FMN2: variants seen among roughly 807,000 people sequenced by gnomAD.
FMN2 encodes formin 2, also known as formin-2.
In FMN2, 51 loss-of-function variants were observed where a neutral mutation model predicts 142.3. The observed-to-expected ratio is 0.36, with a 90% CI of 0.29 to 0.45. FMN2 has a LOEUF of 0.45. Among genes scored for constraint, FMN2 ranks in the 20% least tolerant of loss-of-function variants. The probability of loss-of-function intolerance (pLI) is 1.00; values close to 1 mark genes in which losing one functional copy is unlikely to be tolerated. For synonymous variants in FMN2, 882 were observed against 869.8 expected, an observed-to-expected ratio of 1.01 and a Z score of -0.25; for missense variants, 1,936 against 2,122.8, an observed-to-expected ratio of 0.91 and a Z score of 1.73.
At position 240,242,084 on chromosome 1, in the gene FMN2, A is replaced by T. The variant is rs543842840; in HGVS notation, c.4066-15861A>T. Among the ~76,000 whole-genome samples, 6 of 152,138 alleles carry T rather than the reference A, an allele frequency of 3.9e-5. No individual in the cohort carries two copies. The South Asian group carries it at 1.2e-3, about 32-fold the overall frequency. On this transcript the variant is annotated intron_variant, in intron 6 of 17. Transcript: ENST00000319653. ...ATGGTCTCGATCTCCTGACCTCGTGATCCGCCTGCCTCGGCCTCCCAAAGT... is the reference window on the plus strand; with the variant it reads ...ATGGTCTCGATCTCCTGACCTCGTGTTCCGCCTGCCTCGGCCTCCCAAAGT...
intron 16 of FMN2, among the ~76,000 whole-genome samples, chr1:240,451,263 G>A (rs534891565): frequency 5.9e-5 from 9 of 151,396 alleles, no homozygotes; most frequent in Non-Finnish European, 1.2e-4. Context: ...TGAGGCTGAG[G>A]CAGGGGAATC....
intron 2 of FMN2, among the ~76,000 whole-genome samples, chr1:240,132,595 G>T (rs577904148): frequency 6.6e-6 from 1 of 152,136 alleles, no homozygotes; most frequent in South Asian, 2.1e-4. Context: ...ACCTTGAGAA[G>T]CAGAGAGAGG....
At chr1:240,117,826 A>C (rs1406910628) in intron 1 of FMN2, among the ~76,000 whole-genome samples, 1 of 152,216 alleles carries the variant, frequency 6.6e-6, no homozygotes, top group African/African-American at 2.4e-5. Flanking sequence ...CACAGCAGGG[A>C]CTGCTGAAAT....
intron 6 of FMN2, among the ~76,000 whole-genome samples, chr1:240,241,665 A>G (rs1191073817): frequency 6.6e-6 from 1 of 152,090 alleles, no homozygotes; most frequent in Non-Finnish European, 1.5e-5. Flanking sequence ...TAATTACTCT[A>G]TTCAACTTGA....
At chr1:240,107,280 G>T (rs1661650158) in intron 1 of FMN2, among the ~76,000 whole-genome samples, 1 of 152,038 alleles carries the variant, frequency 6.6e-6, no homozygotes, top group African/African-American at 2.4e-5. Context: ...CCCTGGAGAG[G>T]CTGAATTTGA....
chr1:240,257,576 A>T (rs914390043), intron 6 of FMN2, among the ~76,000 whole-genome samples: 1 of 152,198 alleles, frequency 6.6e-6, no homozygotes, highest in Non-Finnish European at 1.5e-5. Context: ...TTGAAAGAAA[A>T]AAGAACACTT....
intron 15 of FMN2, among the ~76,000 whole-genome samples, chr1:240,421,615 T>TG (rs1307484048): frequency 6.6e-6 from 1 of 152,198 alleles, no homozygotes; most frequent in Non-Finnish European, 1.5e-5. Flanking sequence ...ATATTTGTTT[T>TG]GTGGGGGGTG....
At chr1:240,182,442 C>T (rs950803307) in intron 3 of FMN2, among the ~76,000 whole-genome samples, 1 of 152,084 alleles carries the variant, frequency 6.6e-6, no homozygotes, top group Non-Finnish European at 1.5e-5. Flanking sequence ...AATATGGTAG[C>T]TGACTTCCTA....
At chr1:240,286,266 G>T (rs774916354) in intron 7 of FMN2, among the ~76,000 whole-genome samples, 2 of 152,112 alleles carry the variant, frequency 1.3e-5, no homozygotes, top group African/African-American at 4.8e-5. Context: ...CATGGTCCCT[G>T]TGTATTCAGC....
Position 240,383,353 on chromosome 1 carries a change from C to G in FMN2, c.4859-9158C>G, listed in dbSNP as rs551462802. On this transcript the variant is annotated intron_variant, in intron 14 of 17. Transcript: ENST00000319653. Reference sequence around the variant, plus strand: ...CCTATAGAATGGGATAAAATACTTGCAAATTATGCTCCTGAAAAAGAATTA... The same window carrying G: ...CCTATAGAATGGGATAAAATACTTGGAAATTATGCTCCTGAAAAAGAATTA... Among the ~76,000 whole-genome samples, 14 of 152,170 alleles carry G rather than the reference C, an allele frequency of 9.2e-5. No homozygotes were observed. In the East Asian group the frequency reaches 2.1e-3, roughly 23 times the overall value.
Position 240,207,068 on chromosome 1 carries a change from C to G in FMN2, c.2256C>G (p.Gly752=). 1.2e-6 allele frequency: 2 copies of G among 1,614,074 alleles called. No homozygotes were observed. Among genetic ancestry groups the G allele is most frequent in the Admixed American group, 1.7e-5 (1 of 60,008 alleles). The part of the protein sequence containing the change: ...KSIQTSPTEE[G]GVLTLPPVDG... Reference sequence around the variant, plus strand: ...TACAGACTTCCCCCACGGAAGAGGGCGGGGTGCTGACACTGCCTCCTGTGG... The same window carrying G: ...TACAGACTTCCCCCACGGAAGAGGGGGGGGTGCTGACACTGCCTCCTGTGG... Residue 752 remains glycine, a synonymous_variant, in exon 5 of 18, where the codon GGC becomes GGG. Transcript: ENST00000319653.
At chr1:240,198,447 T>G (rs1013736857) in intron 4 of FMN2, among the ~76,000 whole-genome samples, 5 of 152,352 alleles carry the variant, frequency 3.3e-5, no homozygotes, top group African/African-American at 1.2e-4. Context: ...CAGTCATCCG[T>G]GAAGGAATGG....
intron 8 of FMN2, among the ~76,000 whole-genome samples, chr1:240,303,132 G>A (rs1049437434): frequency 6.6e-6 from 1 of 152,018 alleles, no homozygotes; most frequent in East Asian, 1.9e-4. Context: ...CTGAGGCTGC[G>A]CTCTCCTGCC....
At chr1:240,414,506 A>C (rs12070672) in intron 15 of FMN2, among the ~76,000 whole-genome samples, 2,144 of 152,358 alleles carry the variant, frequency 0.014, 54 homozygotes, top group African/African-American at 0.05. Context: ...TAAAGCCAAA[A>C]TAATTAATAA....
intron 15 of FMN2, among the ~76,000 whole-genome samples, chr1:240,437,663 A>T (rs1675445172): frequency 6.6e-6 from 1 of 152,138 alleles, no homozygotes; most frequent in Non-Finnish European, 1.5e-5. Flanking sequence ...AAGCAATATA[A>T]TATAGATATG....
Position 240,230,068 on chromosome 1 carries a change from C to A in FMN2, c.4065+18833C>A, listed in dbSNP as rs945412496. Among the ~76,000 whole-genome samples, 18 of 131,544 alleles carry A rather than the reference C, an allele frequency of 1.4e-4. 3 individuals are homozygous for A. The South Asian group carries it at 2.8e-3, about 21-fold the overall frequency. 86.3% of individuals were successfully genotyped at this position (131,544 alleles called of 152,430 possible). Reference sequence around the variant, plus strand: ...CAGTGGTTCATGCCTATAATCCCAGCCTTTTGGGAGGCTGAGGTGGCAGGA... The same window carrying A: ...CAGTGGTTCATGCCTATAATCCCAGACTTTTGGGAGGCTGAGGTGGCAGGA... On this transcript the variant is annotated intron_variant, in intron 6 of 17. Coordinates refer to ENST00000319653, the MANE Select transcript of FMN2 (RefSeq NM_020066.5).
At chr1:240,441,114 C>T (rs1463977574) in intron 16 of FMN2, among the ~76,000 whole-genome samples, 1 of 151,622 alleles carries the variant, frequency 6.6e-6, no homozygotes, top group African/African-American at 2.4e-5. Context: ...CCTGCCTCAG[C>T]CTCCTGAGTA....
At chr1:240,346,287 A>T (rs915109310) in intron 13 of FMN2, among the ~76,000 whole-genome samples, 14 of 151,958 alleles carry the variant, frequency 9.2e-5, no homozygotes, top group South Asian at 2.1e-4. Flanking sequence ...ATAATAATAA[A>T]AATAATTATA....
intron 1 of FMN2, among the ~76,000 whole-genome samples, chr1:240,096,274 C>A: frequency 6.6e-6 from 1 of 152,108 alleles, no homozygotes. Context: ...GATTTAGGGC[C>A]TTTCTTTAAT....
Sources: gnomAD v4.1 joint callset for allele counts (sites outside exome capture counted in the v4.1 genomes callset) on GRCh38, gnomAD v4.1.1 for gene constraint, MANE v1.5 for transcripts, NCBI Gene and HGNC (gene_info 2026-07-23, HGNC 2026-07-21) for gene names.